The following RABGAP1L variants were observed in gnomAD, a reference collection of about 807,000 sequenced individuals.
RABGAP1L encodes RAB GTPase activating protein 1 like.
A neutral mutation model predicts 137.7 loss-of-function variants in RABGAP1L; 63 were observed. The observed-to-expected ratio is 0.46, with a 90% CI of 0.37 to 0.56. The LOEUF is 0.56. Ranked by LOEUF, RABGAP1L falls within the 20% of genes least tolerant of loss-of-function variation. The probability of loss-of-function intolerance (pLI) is 0.00; values close to 1 mark genes in which losing one functional copy is unlikely to be tolerated. For synonymous variants in RABGAP1L, 431 were observed against 433.7 expected, an observed-to-expected ratio of 0.99 and a Z score of 0.08; for missense variants, 1,095 against 1,244.0, an observed-to-expected ratio of 0.88 and a Z score of 1.80.
intron 11 of RABGAP1L, among the ~76,000 whole-genome samples, chr1:174,333,158 T>C (rs1252970085): frequency 2.6e-5 from 4 of 151,842 alleles, no homozygotes; most frequent in Non-Finnish European, 4.4e-5. Flanking sequence ...TTACCAGAGG[T>C]TGGGGAGAAT....
chr1:174,321,976 A>G (rs1234756650), intron 11 of RABGAP1L, among the ~76,000 whole-genome samples: 1 of 141,726 alleles, frequency 7.1e-6, no homozygotes, highest in African/African-American at 2.8e-5. Context: ...AGTTCTTTAT[A>G]TATATTAGAC....
intron 1 of RABGAP1L, among the ~76,000 whole-genome samples, chr1:174,188,660 C>G (rs544279625): frequency 6.6e-6 from 1 of 152,176 alleles, no homozygotes; most frequent in South Asian, 2.1e-4. Flanking sequence ...GGTACTTTGC[C>G]GTTAGAACTC....
chr1:174,405,160 G>T (rs1195473878), intron 13 of RABGAP1L, among the ~76,000 whole-genome samples: 3 of 152,084 alleles, frequency 2.0e-5, no homozygotes, highest in Non-Finnish European at 4.4e-5. Flanking sequence ...TCTTTTGATT[G>T]AATAATGTTT....
intron 12 of RABGAP1L, among the ~76,000 whole-genome samples, chr1:174,391,605 G>A (rs1402996312): frequency 1.3e-5 from 2 of 152,178 alleles, no homozygotes; most frequent in African/African-American, 4.8e-5. Flanking sequence ...GCCTCCCAAA[G>A]TGCTGGGATT....
chr1:174,790,288 A>G (rs1687751823), intron 18 of RABGAP1L, among the ~76,000 whole-genome samples: 1 of 152,134 alleles, frequency 6.6e-6, no homozygotes, highest in Non-Finnish European at 1.5e-5. Flanking sequence ...AAGAAATAAT[A>G]CAAATTTTTT....
chr1:174,312,265 CT>C (rs1558122868), intron 11 of RABGAP1L, among the ~76,000 whole-genome samples: 1 of 152,118 alleles, frequency 6.6e-6, no homozygotes, highest in Non-Finnish European at 1.5e-5. Flanking sequence ...GATTGCCTGC[CT>C]TTTGGATGTA....
At chr1:174,353,114 C>G (rs571808128) in intron 11 of RABGAP1L, among the ~76,000 whole-genome samples, 1 of 152,258 alleles carries the variant, frequency 6.6e-6, no homozygotes, top group African/African-American at 2.4e-5. Flanking sequence ...CCCAAGTGCT[C>G]TTCATTCAGC....
At chr1:174,547,979 T>G in intron 13 of RABGAP1L, 1 of 1,550,576 alleles carries the variant, frequency 6.4e-7, no homozygotes, top group East Asian at 2.4e-5. Flanking sequence ...ACTTTTTGTT[T>G]TAGTTCCTTT....
rs534160723 is a variant in RABGAP1L at position 174,241,418 on chromosome 1, C to T, written c.543-65C>T. 7 of 1,090,970 alleles carry T rather than the reference C, an allele frequency of 6.4e-6. No homozygotes were observed. In the Admixed American group the frequency reaches 1.8e-4, roughly 28 times the overall value. The allele number at this position is 1,090,970 out of a possible 1,614,324, so 67.6% of individuals were successfully genotyped here. On this transcript the variant is annotated intron_variant, in intron 4 of 25. Coordinates refer to ENST00000681986, the MANE Select transcript of RABGAP1L (RefSeq NM_001366446.1). ...TTTTTTTTTAAAAAAAAAAACCTAA[C>T]TGGAAATATGTCTTTGTTCTTCGAG... is the stretch of plus-strand genomic sequence containing the variant.
intron 19 of RABGAP1L, among the ~76,000 whole-genome samples, chr1:174,835,449 TA>T (rs902573149): frequency 6.6e-6 from 1 of 152,232 alleles, no homozygotes; most frequent in Non-Finnish European, 1.5e-5. Context: ...GCAAATTTTT[TA>T]AAGTAGAATT....
At position 174,311,562 on chromosome 1, in the gene RABGAP1L, A is replaced by C. The variant is rs567597442; in HGVS notation, c.1465+6435A>C. On this transcript the variant is annotated intron_variant, in intron 11 of 25. Transcript: ENST00000681986. ...CTGTGCCTGGCTTATTTCACTTAAC[A>C]TAATGATCTCCAGTTCAATCCATGT... Among the ~76,000 whole-genome samples, 5 of 152,326 alleles carry C rather than the reference A, an allele frequency of 3.3e-5. No homozygotes were observed. In the South Asian group the frequency reaches 1.0e-3, roughly 32 times the overall value.
At chr1:174,949,024 A>G (rs1667326568) in intron 19 of RABGAP1L, 1 of 152,212 alleles carries the variant, frequency 6.6e-6, no homozygotes, top group South Asian at 2.1e-4. Flanking sequence ...ATATTCTAAA[A>G]ACAGAACATG....
chr1:174,383,528 A>G (rs1032164693), intron 12 of RABGAP1L, among the ~76,000 whole-genome samples: 14 of 152,102 alleles, frequency 9.2e-5, no homozygotes, highest in African/African-American at 2.9e-4. Flanking sequence ...AAAGGGCAAT[A>G]TTCGGGTGGG....
chr1:174,564,178 A>G (rs1667414106), intron 13 of RABGAP1L, among the ~76,000 whole-genome samples: 1 of 152,192 alleles, frequency 6.6e-6, no homozygotes. Flanking sequence ...TTAATCTCAT[A>G]TCATATCTAA....
In RABGAP1L at chr1:174,763,630, G is replaced by A. The variant is rs1325960637; in HGVS notation, c.2211+11276G>A. On this transcript the variant is annotated intron_variant, in intron 18 of 25. Coordinates refer to ENST00000681986, the MANE Select transcript of RABGAP1L (RefSeq NM_001366446.1). The stretch of plus-strand genomic sequence containing the variant: ...CGCGCCACTGCACTCCAGCCTGGGC[G>A]ACAGAGCGAGACTCCGTCTCAAAAA... Among the ~76,000 whole-genome samples the A allele has an allele frequency of 2.7e-3, 241 of 88,140 alleles. No homozygotes were observed. The Middle Eastern group carries it at 0.042, about 15-fold the overall frequency. The allele number at this position is 88,140 out of a possible 152,430, so 57.8% of individuals were successfully genotyped here.
At chr1:174,548,276 T>G in intron 13 of RABGAP1L, 1 of 1,337,606 alleles carries the variant, frequency 7.5e-7, no homozygotes, top group African/African-American at 1.5e-5. Flanking sequence ...CTTTGCTATA[T>G]AACATTAGTT....
chr1:174,579,561 A>T (rs974141699), intron 13 of RABGAP1L, among the ~76,000 whole-genome samples: 1 of 152,220 alleles, frequency 6.6e-6, no homozygotes, highest in African/African-American at 2.4e-5. Context: ...GAATCACTGC[A>T]GTAGATATGA....
At chr1:174,918,710 A>T (rs891617824) in intron 19 of RABGAP1L, among the ~76,000 whole-genome samples, 1 of 152,272 alleles carries the variant, frequency 6.6e-6, no homozygotes, top group African/African-American at 2.4e-5. Flanking sequence ...CCAGGAGGTC[A>T]TGGCTATAGT....
rs568086538 is a variant in RABGAP1L, at chr1:174,174,129, A to G, written c.-34+14472A>G. On this transcript the variant is annotated intron_variant, in intron 1 of 25. Coordinates refer to ENST00000681986, the MANE Select transcript of RABGAP1L (RefSeq NM_001366446.1). ...AATTTACAAGCAGCAAGATGCTGCAATAAACATACTGATAACAAGACAGAT... is the reference window on the plus strand; with the variant it reads ...AATTTACAAGCAGCAAGATGCTGCAGTAAACATACTGATAACAAGACAGAT... Among the ~76,000 whole-genome samples the G allele has an allele frequency of 4.6e-5, 7 of 152,248 alleles. No homozygotes were observed. In the East Asian group the frequency reaches 1.2e-3, roughly 25 times the overall value.
Sources: gnomAD v4.1 joint callset for allele counts (sites outside exome capture counted in the v4.1 genomes callset) on GRCh38, gnomAD v4.1.1 for gene constraint, MANE v1.5 for transcripts, NCBI Gene and HGNC (gene_info 2026-07-23, HGNC 2026-07-21) for gene names.